Variants in DOCK10 observed in about 807,000 individuals in gnomAD.
DOCK10 encodes dedicator of cytokinesis 10, also known as dedicator of cytokinesis protein 10.
In DOCK10, 145 loss-of-function variants were observed where a neutral mutation model predicts 280.1. The observed-to-expected ratio is 0.52, with a 90% CI of 0.45 to 0.59. The LOEUF is 0.59. Ranked by LOEUF, DOCK10 falls within the 20% of genes least tolerant of loss-of-function variation. DOCK10 has a pLI of 0.00. For synonymous variants in DOCK10, 915 were observed against 942.2 expected (o/e 0.97, Z 0.53); for missense variants, 2,368 against 2,651.7 (o/e 0.89, Z 2.35).
At position 224,786,615 on chromosome 2, in the gene DOCK10, A is replaced by G. The variant is rs1691747423; in HGVS notation, c.5655+407T>C. The stretch of plus-strand genomic sequence containing the variant: ...GTGATAGTAAAATCAAAGGTTTGAT[A>G]TGGTGGAGCCCCTAGGAATTCTCTT... On this transcript the variant is annotated intron_variant, in intron 50 of 55. Coordinates refer to ENST00000258390, the MANE Select transcript of DOCK10 (RefSeq NM_014689.3). The surrounding 1 kb of genome is among the most constrained non-coding windows in gnomAD (Gnocchi z 4.7). 6.6e-6 allele frequency among the ~76,000 whole-genome samples: 1 copy of G among 152,262 alleles called. No homozygotes were observed. Among genetic ancestry groups the G allele is most frequent in the Non-Finnish European group, 1.5e-5 (1 of 68,044 alleles).
chr2:224,863,692 T>C (rs1697682535), intron 13 of DOCK10, among the ~76,000 whole-genome samples: 1 of 152,154 alleles, frequency 6.6e-6, no homozygotes, highest in Non-Finnish European at 1.5e-5. Flanking sequence ...GACCTCGTGA[T>C]CGCCTGCCTC....
At chr2:224,920,861 C>T (rs62187979) in intron 2 of DOCK10, among the ~76,000 whole-genome samples, 34,893 of 150,600 alleles carry the variant, frequency 0.23, 4,523 homozygotes, top group Non-Finnish European at 0.28. Context: ...TAATAAGATC[C>T]AAATTGGCTC....
intron 1 of DOCK10, among the ~76,000 whole-genome samples, chr2:225,038,237 CAT>C (rs1311619884): frequency 2.0e-5 from 3 of 151,460 alleles, no homozygotes. Flanking sequence ...CTGCATCTAG[CAT>C]ATGACTTTTG....
At chr2:224,929,284 T>C (rs989641717) in intron 2 of DOCK10, among the ~76,000 whole-genome samples, 7 of 152,242 alleles carry the variant, frequency 4.6e-5, no homozygotes, top group African/African-American at 1.7e-4. Flanking sequence ...GAACCCCAGG[T>C]GATTTCTGTC....
intron 1 of DOCK10, among the ~76,000 whole-genome samples, chr2:224,960,174 A>G (rs544485579): frequency 1.8e-4 from 28 of 152,292 alleles, no homozygotes; most frequent in Middle Eastern, 3.4e-3. Context: ...ATTTATTATC[A>G]TTATTATAAT....
chr2:224,814,176 A>G (rs536196339), intron 31 of DOCK10, 144 bp downstream of exon 31: 1 of 435,960 alleles, frequency 2.3e-6, no homozygotes, highest in Non-Finnish European at 3.9e-6. Flanking sequence ...CAAGCAAACA[A>G]TTCAGTCAAC....
At chr2:224,915,427 A>T (rs1033542134) in intron 3 of DOCK10, among the ~76,000 whole-genome samples, 1 of 152,152 alleles carries the variant, frequency 6.6e-6, no homozygotes, top group African/African-American at 2.4e-5. Flanking sequence ...CTTAAAAGGT[A>T]TTGTAATGCA....
intron 1 of DOCK10, among the ~76,000 whole-genome samples, chr2:224,975,328 T>A (rs1705369307): frequency 1.3e-5 from 2 of 152,188 alleles, no homozygotes. Context: ...CCTCCAAAGA[T>A]TCTATGTGCT....
chr2:224,803,088 T>C (rs916396167), intron 39 of DOCK10, among the ~76,000 whole-genome samples: 2 of 152,044 alleles, frequency 1.3e-5, no homozygotes. Context: ...TCTGAACTTG[T>C]GGAGGAAAAG....
At chr2:224,774,828 T>C in intron 52 of DOCK10, 77 bp downstream of exon 52, 1 of 1,340,512 alleles carries the variant, frequency 7.5e-7, no homozygotes, top group Non-Finnish European at 1.0e-6. Flanking sequence ...TAACTCTTGA[T>C]TCCTACTGAT....
In DOCK10 at chr2:224,804,817, G is replaced by A. The variant is rs746313166; in HGVS notation, c.4143C>T (p.Tyr1381=). 3.1e-5 allele frequency: 47 copies of A among 1,507,630 alleles called. No homozygotes were observed. The highest frequency in any genetic ancestry group is 1.7e-4 in the Middle Eastern group (1 of 5,862). The allele number at this position is 1,507,630 out of a possible 1,614,324, so 93.4% of individuals were successfully genotyped here. ...ILDVCLQNFR[Y]LGKRNIIRKI... is the part of the protein sequence containing the mutation. Reference sequence around the variant, plus strand: ...ACCTTATTATGTTGCGTTTTCCTAGGTATCTGAAATTTTGAAGACAAACGC... The same window carrying A: ...ACCTTATTATGTTGCGTTTTCCTAGATATCTGAAATTTTGAAGACAAACGC... The change falls in exon 38 of 56, where the codon TAC becomes TAT. Residue 1381 remains tyrosine, a synonymous_variant. Transcript: ENST00000258390.
At chr2:224,929,578 A>G (rs932171430) in intron 2 of DOCK10, among the ~76,000 whole-genome samples, 3 of 152,204 alleles carry the variant, frequency 2.0e-5, no homozygotes, top group Non-Finnish European at 4.4e-5. Context: ...TTTTGAAGGC[A>G]GTGGGGGAGC....
intron 2 of DOCK10, among the ~76,000 whole-genome samples, chr2:224,919,383 T>C (rs1701556784): frequency 6.6e-6 from 1 of 151,248 alleles, no homozygotes; most frequent in Non-Finnish European, 1.5e-5. Context: ...GGTGTGAATG[T>C]ATGTGGTGTG....
At chr2:224,954,083 A>G (rs527723359) in intron 1 of DOCK10, among the ~76,000 whole-genome samples, 1 of 152,176 alleles carries the variant, frequency 6.6e-6, no homozygotes, top group Non-Finnish European at 1.5e-5. Context: ...GACAGGTATA[A>G]AGTTGTAATA....
chr2:224,941,568 G>T (rs1326676330), intron 1 of DOCK10, among the ~76,000 whole-genome samples: 2 of 152,120 alleles, frequency 1.3e-5, no homozygotes, highest in African/African-American at 4.8e-5. Flanking sequence ...CTCAGGCCGG[G>T]TGTGGTAGCT....
chr2:224,894,521 G>A (rs1575012102), intron 4 of DOCK10, among the ~76,000 whole-genome samples: 1 of 152,288 alleles, frequency 6.6e-6, no homozygotes, highest in East Asian at 1.9e-4. Flanking sequence ...AGGAAGTCCT[G>A]ATGTTAAAAG....
chr2:224,934,759 T>C (rs957452917), intron 1 of DOCK10, among the ~76,000 whole-genome samples: 1 of 152,256 alleles, frequency 6.6e-6, no homozygotes, highest in Non-Finnish European at 1.5e-5. Flanking sequence ...GAATTTAATG[T>C]GCTTGTTTCT....
At chr2:224,882,780 T>C (rs564717393) in intron 7 of DOCK10, among the ~76,000 whole-genome samples, 1 of 152,326 alleles carries the variant, frequency 6.6e-6, no homozygotes, top group East Asian at 1.9e-4. Flanking sequence ...CTTTTGTGTG[T>C]ACATGATTCA....
At chr2:224,804,773 A>G in intron 38 of DOCK10, 21 bp downstream of exon 38, 2 of 1,443,136 alleles carry the variant, frequency 1.4e-6, no homozygotes, top group Non-Finnish European at 1.9e-6. Context: ...AGATTAACCT[A>G]TTGGAATTTA....
Sources: gnomAD v4.1 joint callset for allele counts (sites outside exome capture counted in the v4.1 genomes callset) on GRCh38, gnomAD v4.1.1 for gene constraint, Gnocchi (gnomAD v3.1) non-coding constraint, MANE v1.5 for transcripts, NCBI Gene and HGNC (gene_info 2026-07-23, HGNC 2026-07-21) for gene names.